MYH7B: variants seen among roughly 807,000 people sequenced by gnomAD.
MYH7B encodes the protein myosin heavy chain 7B.
A neutral mutation model predicts 234.5 loss-of-function variants in MYH7B; 205 were observed. That is an observed-to-expected ratio of 0.87 (90% CI 0.78 to 0.98). The LOEUF is 0.98. Among genes scored for constraint, MYH7B ranks in the 50% least tolerant of loss-of-function variants. The pLI is 0.00. For synonymous variants in MYH7B, 1,193 were observed against 1,105.0 expected, an observed-to-expected ratio of 1.08 and a Z score of -1.58; for missense variants, 2,652 against 2,633.4, an observed-to-expected ratio of 1.01 and a Z score of -0.15.
rs2082401631 is a variant in MYH7B at position 35,002,102 on chromosome 20, GCATTGCTCTCTGTGCA to G, written c.5814+18_5814+33del. 5 of 1,612,632 alleles carry G rather than the reference GCATTGCTCTCTGTGCA, an allele frequency of 3.1e-6. No homozygotes were observed. The African/African-American group carries it at 6.7e-5, about 22-fold the overall frequency. On this transcript the variant is annotated intron_variant, in intron 44 of 44. Transcript: ENST00000262873. ...GGCCCCAAGGTGAGGAGTGGCAGGG[GCATTGCTCTCTGTGCA>G]GGGGGACTGTGGGGGCTGACAGGTA... is the stretch of plus-strand genomic sequence containing the variant.
In MYH7B at chr20:34,990,263, A is replaced by G. The variant is rs1210453179; in HGVS notation, c.1930A>G (p.Lys644Glu). ...GCCCCCCAAGTCTGGGGTGAAAGAG[A>G]AGCGTAAGAAGGCAGCATCGTTCCA... Residue 644 changes from lysine to glutamate, a missense_variant, in exon 22 of 45, where the codon AAG becomes GAG. By Grantham distance (56) the Lys-to-Glu change is moderately conservative. Transcript: ENST00000262873. The G allele has an allele frequency of 6.8e-6, 11 of 1,614,096 alleles. No homozygotes were observed. Among genetic ancestry groups the G allele is most frequent in the Non-Finnish European group, 9.3e-6 (11 of 1,180,024 alleles).
At chr20:34,966,699 A>G (rs533818841) in intron 2 of MYH7B, among the ~76,000 whole-genome samples, 71 of 152,338 alleles carry the variant, frequency 4.7e-4, no homozygotes, top group Admixed American at 1.7e-3. Context: ...TCAATAGTAC[A>G]GAGTTACTGT....
Position 35,000,626 on chromosome 20 carries a change from C to T in MYH7B, c.5115C>T (p.Ser1705=), listed in dbSNP as rs768271047. The stretch of plus-strand genomic sequence containing the variant: ...CTGCCCTGGAGCAGGGCGAGCGCAG[C>T]CGGCGACTGGCAGAGCAGGAGCTTT... Residue 1705 remains serine, a synonymous_variant, in exon 39 of 45, where the codon AGC becomes AGT. Coordinates refer to ENST00000262873, the Ensembl canonical transcript of MYH7B. 8.9e-6 allele frequency: 14 copies of T among 1,576,588 alleles called. No homozygotes were observed. In the Admixed American group the frequency reaches 2.7e-4, roughly 30 times the overall value.
intron 12 of MYH7B, 57 bp downstream of exon 12, chr20:34,985,003 C>T (rs924165755): frequency 9.9e-6 from 16 of 1,609,470 alleles, no homozygotes; most frequent in African/African-American, 5.3e-5. Context: ...AGCGGCAGGT[C>T]GGGCACAGGT....
rs1439964107 is a variant in MYH7B at position 34,990,012 on chromosome 20, A to T, written c.1768-2A>T. On this transcript the variant is annotated splice_acceptor_variant, in intron 20 of 44. Transcript: ENST00000262873. LOFTEE classifies it high-confidence loss of function. ...GGCTCAGCACCTGACTTGTCTCTCC[A>T]GGTGCCTTACAGCATTGTGGGCTGG... 1.2e-6 allele frequency: 2 copies of T among 1,613,898 alleles called. No individual in the cohort carries two copies. Among genetic ancestry groups the T allele is most frequent in the Admixed American group, 3.3e-5 (2 of 59,990 alleles).
chr20:34,959,876 C>T (rs867529189), intron 2 of MYH7B, among the ~76,000 whole-genome samples: 4 of 152,132 alleles, frequency 2.6e-5, no homozygotes, highest in Admixed American at 6.5e-5. Context: ...ACTTTACAGT[C>T]GTTATCTCAC....
At chr20:34,984,660 G>C in intron 10 of MYH7B, 32 bp from the exon 11 acceptor site, 1 of 1,599,662 alleles carries the variant, frequency 6.3e-7, no homozygotes, top group East Asian at 2.2e-5. Flanking sequence ...CGGAGGCCTG[G>C]CCCTCTAATG....
intron 28 of MYH7B, 46 bp from the exon 29 acceptor site, chr20:34,996,300 G>A: frequency 6.5e-7 from 1 of 1,544,706 alleles, no homozygotes; most frequent in East Asian, 2.4e-5. Flanking sequence ...TGGCCGCTCA[G>A]AGTGCGGGGA....
exon 39 of MYH7B, chr20:35,000,340 C>A: frequency 6.3e-7 from 1 of 1,596,402 alleles, no homozygotes; most frequent in Non-Finnish European, 8.5e-7. Flanking sequence ...TCCCTGGATG[C>A]AGAGACACGG....
exon 23 of MYH7B, chr20:34,990,815 C>G: frequency 6.2e-7 from 1 of 1,614,160 alleles, no homozygotes; most frequent in Non-Finnish European, 8.5e-7. Flanking sequence ...CCAACGAGAA[C>G]AAAACCCCAG....
chr20:34,988,311 G>A (rs1168575901), intron 19 of MYH7B, 49 bp downstream of exon 19: 2 of 1,575,754 alleles, frequency 1.3e-6, no homozygotes, highest in Non-Finnish European at 1.7e-6. Context: ...TGTGTGTGGT[G>A]AGCAAGCAGG....
chr20:34,998,215 A>G (rs750523323), intron 32 of MYH7B, 80 bp from the exon 33 acceptor site: 52 of 1,537,418 alleles, frequency 3.4e-5, no homozygotes, highest in Non-Finnish European at 4.4e-5. Context: ...CCAGTCTCTG[A>G]TCCCAGATCC....
intron 10 of MYH7B, among the ~76,000 whole-genome samples, chr20:34,983,000 T>C (rs2081962027): frequency 6.6e-6 from 1 of 152,238 alleles, no homozygotes; most frequent in African/African-American, 2.4e-5. Context: ...AGGGCAATTT[T>C]GTGCCTTGTG....
exon 35 of MYH7B, chr20:34,998,739 C>A (rs779550783): frequency 1.9e-6 from 3 of 1,611,786 alleles, no homozygotes; most frequent in Admixed American, 1.7e-5. Context: ...CCCTGGCCCA[C>A]GCCGTGCAGG....
intron 3 of MYH7B, among the ~76,000 whole-genome samples, chr20:34,977,359 C>A (rs1243153841): frequency 6.6e-6 from 1 of 151,936 alleles, no homozygotes; most frequent in African/African-American, 2.4e-5. Context: ...TCAGACTCTG[C>A]GTGACTTGGT....
intron 19 of MYH7B, among the ~76,000 whole-genome samples, chr20:34,988,494 A>T (rs1397152851): frequency 3.9e-5 from 6 of 152,064 alleles, no homozygotes; most frequent in Non-Finnish European, 1.5e-5. Flanking sequence ...AGCCTTGGTG[A>T]GTGTGTGAGC....
At chr20:34,978,146 G>A (rs1361984318) in intron 5 of MYH7B, 50 bp downstream of exon 5, 2 of 1,606,534 alleles carry the variant, frequency 1.2e-6, no homozygotes, top group Non-Finnish European at 1.7e-6. Flanking sequence ...ATGCCCTTAT[G>A]GACTCAGACC....
chr20:34,970,404 T>G (rs989476626), intron 2 of MYH7B, among the ~76,000 whole-genome samples: 2 of 152,198 alleles, frequency 1.3e-5, no homozygotes, highest in Non-Finnish European at 2.9e-5. Flanking sequence ...CCACTAGTCC[T>G]GTAGTCACAC....
At chr20:35,002,233 C>T (rs1295865369) in exon 45 of MYH7B, 3 of 1,504,382 alleles carry the variant, frequency 2.0e-6, no homozygotes, top group African/African-American at 1.4e-5. Context: ...TGCTGTTGCA[C>T]ATCTGGCTGA....
Sources: gnomAD v4.1 joint callset for allele counts (sites outside exome capture counted in the v4.1 genomes callset) on GRCh38, gnomAD v4.1.1 for gene constraint, MANE v1.5 for transcripts, NCBI Gene and HGNC (gene_info 2026-07-23, HGNC 2026-07-21) for gene names.